The following DNAH7 variants were observed in gnomAD, a reference collection of about 807,000 sequenced individuals.
The protein encoded by DNAH7 is dynein axonemal heavy chain 7.
Under a neutral mutation model 444.6 loss-of-function variants are expected in DNAH7, and 397 were observed. That is an observed-to-expected ratio of 0.89 (90% CI 0.82 to 0.97). DNAH7 has a LOEUF of 0.97. Ranked by LOEUF, DNAH7 falls within the 50% of genes least tolerant of loss-of-function variation. The pLI, the probability that DNAH7 is intolerant of heterozygous loss-of-function variation, is 0.00. For missense variants in DNAH7, 4,902 were observed against 4,800.8 expected (o/e 1.02, Z -0.62); for synonymous variants, 1,636 against 1,624.4 (o/e 1.01, Z -0.17).
intron 54 of DNAH7, 79 bp downstream of exon 54, chr2:195,806,661 T>C (rs1451792055): frequency 5.8e-6 from 7 of 1,213,268 alleles, no homozygotes; most frequent in Non-Finnish European, 8.2e-6. Flanking sequence ...CATGATTACA[T>C]AAGGAAACGC....
rs1693963826 is a variant in DNAH7 at position 195,754,352 on chromosome 2, G to A, written c.11749C>T (p.His3917Tyr). The A allele has an allele frequency of 1.9e-6, 3 of 1,613,808 alleles. No individual in the cohort carries two copies. Among genetic ancestry groups the A allele is most frequent in the South Asian group, 1.1e-5 (1 of 91,070 alleles). The change falls in exon 63 of 65, where the codon CAT becomes TAT. Residue 3917 changes from histidine (H) to tyrosine (Y), a missense_variant. By Grantham distance (83) the His-to-Tyr change is moderately conservative. Coordinates refer to ENST00000312428, the MANE Select transcript of DNAH7 (RefSeq NM_018897.3). Reference sequence around the variant, plus strand: ...CTGCACTTACCATCCTCAGGAGGATGCTTGTATTCTTTGTCTTCCATCACT... The same window carrying A: ...CTGCACTTACCATCCTCAGGAGGATACTTGTATTCTTTGTCTTCCATCACT... ...YEVMEDKEYKHPPEDGVFIHG... is the reference protein window; with the variant it reads ...YEVMEDKEYKYPPEDGVFIHG...
intron 57 of DNAH7, 84 bp downstream of exon 57, chr2:195,794,254 T>C: frequency 7.5e-7 from 1 of 1,324,978 alleles, no homozygotes; most frequent in Non-Finnish European, 1.1e-6. Flanking sequence ...TTTTTAGTTT[T>C]ACTCAGTGCA....
chr2:196,064,273 G>A (rs964588802), intron 1 of DNAH7, among the ~76,000 whole-genome samples: 2 of 151,460 alleles, frequency 1.3e-5, no homozygotes, highest in Non-Finnish European at 2.9e-5. Context: ...CCAAGATCGT[G>A]CCACTGCACT....
In DNAH7 at chr2:195,857,713, A is replaced by C. The variant is rs746858697; in HGVS notation, c.8078T>G (p.Val2693Gly). The C allele has an allele frequency of 6.3e-7, 1 of 1,595,860 alleles. No individual in the cohort carries two copies. Among genetic ancestry groups the C allele is most frequent in the African/African-American group, 1.4e-5 (1 of 73,884 alleles). Residue 2693 changes from valine (V) to glycine (G), a missense_variant, in exon 44 of 65, where the codon GTG becomes GGG. Val to Gly is a moderately radical substitution (Grantham distance 109, BLOSUM62 -3). Transcript: ENST00000312428. ...LDTLTAQDIT[V>G]VKSMKSPPAG... ...AGGAGGACTCTTCATGGATTTTACC[A>C]CTGTAATATCCTTGAAATAACAACG...
intron 5 of DNAH7, among the ~76,000 whole-genome samples, chr2:196,040,563 G>A (rs1696674376): frequency 6.6e-6 from 1 of 151,980 alleles, no homozygotes; most frequent in South Asian, 2.1e-4. Flanking sequence ...GGTACAGAAG[G>A]AACATACCAC....
intron 5 of DNAH7, among the ~76,000 whole-genome samples, chr2:196,038,850 C>A (rs1696552975): frequency 6.6e-6 from 1 of 152,076 alleles, no homozygotes; most frequent in Middle Eastern, 3.4e-3. Context: ...TAAATATATA[C>A]CCACTCAATA....
chr2:195,900,630 T>A (rs1240547253), intron 27 of DNAH7, 136 bp from the exon 28 acceptor site: 1 of 771,650 alleles, frequency 1.3e-6, no homozygotes, highest in Non-Finnish European at 2.0e-6. Context: ...AGTAAAATAG[T>A]GGTAACTAGA....
chr2:195,914,059 A>C (rs1687521424), intron 24 of DNAH7, among the ~76,000 whole-genome samples: 1 of 151,820 alleles, frequency 6.6e-6, no homozygotes, highest in Non-Finnish European at 1.5e-5. Context: ...TTCCCCCATG[A>C]ATTTCCATTC....
At chr2:195,841,923 T>C (rs767383078) in intron 47 of DNAH7, among the ~76,000 whole-genome samples, 1 of 152,034 alleles carries the variant, frequency 6.6e-6, no homozygotes. Flanking sequence ...TGAAAATACA[T>C]GTTCACAGCA....
intron 23 of DNAH7, 70 bp from the exon 24 acceptor site, chr2:195,922,267 A>G (rs1303065510): frequency 3.3e-6 from 3 of 915,688 alleles, no homozygotes; most frequent in East Asian, 2.6e-5. Flanking sequence ...AAGCTCTTTA[A>G]TAAGTAATAA....
intron 21 of DNAH7, among the ~76,000 whole-genome samples, chr2:195,928,170 T>C (rs564754206): frequency 1.1e-4 from 16 of 152,134 alleles, no homozygotes; most frequent in Non-Finnish European, 1.6e-4. Context: ...TGAGAACACA[T>C]GGTATTTGGT....
chr2:195,879,661 GTACA>G (rs1021630546), intron 36 of DNAH7, among the ~76,000 whole-genome samples: 22 of 151,980 alleles, frequency 1.4e-4, no homozygotes, highest in Admixed American at 5.2e-4. Context: ...TCAAAATTAA[GTACA>G]TACTTATAAA....
At chr2:195,955,580 A>G (rs1690591428) in intron 19 of DNAH7, among the ~76,000 whole-genome samples, 1 of 146,802 alleles carries the variant, frequency 6.8e-6, no homozygotes, top group Non-Finnish European at 1.5e-5. Flanking sequence ...AATTAGGGTA[A>G]GTAATGTTTT....
chr2:195,968,158 T>A (rs1190915541), intron 17 of DNAH7, among the ~76,000 whole-genome samples: 1 of 152,200 alleles, frequency 6.6e-6, no homozygotes, highest in African/African-American at 2.4e-5. Flanking sequence ...TCTAAGAGCC[T>A]AGGCCTGGAC....
rs763810273 is a variant in DNAH7 at position 195,910,129 on chromosome 2, C to A, written c.4002G>T (p.Lys1334Asn). 6.2e-6 allele frequency: 10 copies of A among 1,613,732 alleles called. No homozygotes were observed. In the Admixed American group the frequency reaches 1.7e-4, roughly 27 times the overall value. Residue 1334 changes from lysine to asparagine, a missense_variant, in exon 25 of 65, where the codon AAG (lysine) becomes AAT (asparagine). Lys to Asn is a moderately conservative substitution (Grantham distance 94). Transcript: ENST00000312428. ...TTGCCAAATCCTTGGTAGTTTCAGT[C>A]TTCCCAGTGCCAGCTGGACCCTCAG... is the stretch of plus-strand genomic sequence containing the variant. ...GAPEGPAGTG[K>N]TETTKDLAKA...
At chr2:195,755,392 A>G (rs1694022698) in intron 62 of DNAH7, among the ~76,000 whole-genome samples, 1 of 152,222 alleles carries the variant, frequency 6.6e-6, no homozygotes, top group Non-Finnish European at 1.5e-5. Flanking sequence ...ATGGTGAGTC[A>G]GTTGAATACC....
intron 19 of DNAH7, among the ~76,000 whole-genome samples, chr2:195,942,441 G>A (rs1243485720): frequency 6.6e-6 from 1 of 151,212 alleles, no homozygotes. Context: ...AAGATGAAGA[G>A]GAGGAAGAGG....
chr2:195,785,581 T>A (rs2105970593), intron 58 of DNAH7, among the ~76,000 whole-genome samples: 1 of 146,646 alleles, frequency 6.8e-6, no homozygotes, highest in South Asian at 2.2e-4. Context: ...CCTAGTTTAC[T>A]GAGAGCTTTT....
intron 54 of DNAH7, among the ~76,000 whole-genome samples, chr2:195,803,646 C>A (rs887878674): frequency 6.6e-6 from 1 of 152,198 alleles, no homozygotes; most frequent in African/African-American, 2.4e-5. Context: ...CTCCCACAGG[C>A]AGGGAAGAAG....
Sources: gnomAD v4.1 joint callset for allele counts (sites outside exome capture counted in the v4.1 genomes callset) on GRCh38, gnomAD v4.1.1 for gene constraint, MANE v1.5 for transcripts, NCBI Gene and HGNC (gene_info 2026-07-23, HGNC 2026-07-21) for gene names.